PLEKHA5: variants seen among roughly 807,000 people sequenced by gnomAD.
The protein encoded by PLEKHA5 is pleckstrin homology domain-containing family A member 5.
In PLEKHA5, 55 loss-of-function variants were observed where a neutral mutation model predicts 181.9. That is an observed-to-expected ratio of 0.30 (90% CI 0.24 to 0.38). The LOEUF (loss-of-function observed/expected upper bound fraction) is 0.38, where lower values mean the gene tolerates loss of function less well. PLEKHA5 is among the 10% of genes least tolerant of loss of function. PLEKHA5 has a pLI of 1.00. For missense variants in PLEKHA5, 1,432 were observed against 1,549.5 expected (o/e 0.92, Z 1.27); for synonymous variants, 535 against 529.4 (o/e 1.01, Z -0.15).
intron 15 of PLEKHA5, among the ~76,000 whole-genome samples, chr12:19,302,535 A>G (rs557713975): frequency 1.0e-3 from 159 of 152,214 alleles, no homozygotes; most frequent in African/African-American, 3.6e-3. Context: ...AGCTAGGATT[A>G]CAGGCGCCCA....
intron 3 of PLEKHA5, among the ~76,000 whole-genome samples, chr12:19,249,907 A>G (rs572256230): frequency 2.0e-5 from 3 of 152,208 alleles, no homozygotes; most frequent in African/African-American, 7.2e-5. Flanking sequence ...CGAGTCAGTT[A>G]TTTTAAGGGT....
intron 15 of PLEKHA5, chr12:19,306,774 A>G: frequency 1.1e-6 from 1 of 920,440 alleles, no homozygotes; most frequent in South Asian, 1.3e-5. Context: ...CAATCTCGTT[A>G]AATTCCATGA....
chr12:19,244,799 T>C (rs2063353928), intron 3 of PLEKHA5, among the ~76,000 whole-genome samples: 1 of 152,176 alleles, frequency 6.6e-6, no homozygotes, highest in South Asian at 2.1e-4. Context: ...AAACACTGCA[T>C]AATAAAGGTT....
At chr12:19,337,548 C>CA (rs1157232818) in intron 21 of PLEKHA5, among the ~76,000 whole-genome samples, 1,659 of 60,818 alleles carry the variant, frequency 0.027, 21 homozygotes, top group Middle Eastern at 0.07. Context: ...GACTCTATCT[C>CA]AAAAAAAAAA....
intron 3 of PLEKHA5, among the ~76,000 whole-genome samples, chr12:19,208,002 G>C (rs1050003584): frequency 6.6e-6 from 1 of 152,082 alleles, no homozygotes; most frequent in African/African-American, 2.4e-5. Flanking sequence ...TAGTAACCAA[G>C]TAAAGACTTT....
chr12:19,260,514 A>G (rs1239571637), intron 6 of PLEKHA5, among the ~76,000 whole-genome samples: 2 of 152,162 alleles, frequency 1.3e-5, no homozygotes, highest in Non-Finnish European at 2.9e-5. Flanking sequence ...GGCCTTTTAG[A>G]TAGGTTATAT....
At chr12:19,375,134 GC>G (rs1393683827) in intron 31 of PLEKHA5, among the ~76,000 whole-genome samples, 1 of 151,896 alleles carries the variant, frequency 6.6e-6, no homozygotes, top group Admixed American at 6.6e-5. Flanking sequence ...GACCAGCCTG[GC>G]CAACATGGTG....
chr12:19,224,694 T>C (rs1404136282), intron 3 of PLEKHA5, among the ~76,000 whole-genome samples: 1 of 152,194 alleles, frequency 6.6e-6, no homozygotes, highest in African/African-American at 2.4e-5. Context: ...GCTTAAAGCA[T>C]TTTCAATGAC....
chr12:19,296,125 T>C (rs999656040), intron 15 of PLEKHA5, among the ~76,000 whole-genome samples: 9 of 151,642 alleles, frequency 5.9e-5, no homozygotes, highest in African/African-American at 2.2e-4. Flanking sequence ...TCTCAGCTAC[T>C]TGGGAGGCTG....
intron 15 of PLEKHA5, chr12:19,307,081 T>TTG: frequency 8.1e-7 from 1 of 1,232,726 alleles, no homozygotes; most frequent in Non-Finnish European, 1.2e-6. Context: ...TTGCCACAGA[T>TTG]AGTTGCTGAA....
At chr12:19,144,643 A>C (rs963763008) in intron 3 of PLEKHA5, among the ~76,000 whole-genome samples, 1 of 152,146 alleles carries the variant, frequency 6.6e-6, no homozygotes, top group Non-Finnish European at 1.5e-5. Flanking sequence ...CAGCATTGCA[A>C]CTCTGTTTAG....
At chr12:19,145,476 G>A (rs1038700816) in intron 3 of PLEKHA5, among the ~76,000 whole-genome samples, 3 of 151,976 alleles carry the variant, frequency 2.0e-5, no homozygotes, top group African/African-American at 7.3e-5. Flanking sequence ...TTCTTTGCAT[G>A]TACATACTTA....
intron 15 of PLEKHA5, chr12:19,307,023 T>G: frequency 6.7e-7 from 1 of 1,487,534 alleles, no homozygotes; most frequent in Non-Finnish European, 9.3e-7. Flanking sequence ...CTCTTGTTCC[T>G]GCCCTTGCTG....
chr12:19,263,168 C>G (rs1757782488), intron 7 of PLEKHA5, among the ~76,000 whole-genome samples: 1 of 147,614 alleles, frequency 6.8e-6, no homozygotes, highest in African/African-American at 2.5e-5. Context: ...TCATAATAGC[C>G]TATATATTTT....
At chr12:19,210,165 G>A (rs981767583) in intron 3 of PLEKHA5, among the ~76,000 whole-genome samples, 6 of 152,160 alleles carry the variant, frequency 3.9e-5, no homozygotes, top group Non-Finnish European at 8.8e-5. Flanking sequence ...TCTCATTTAC[G>A]AAAGTGTTTT....
intron 3 of PLEKHA5, among the ~76,000 whole-genome samples, chr12:19,228,332 C>A (rs371584527): frequency 6.6e-6 from 1 of 152,184 alleles, no homozygotes; most frequent in African/African-American, 2.4e-5. Flanking sequence ...CTAACCATTT[C>A]ATTTTTACCC....
At chr12:19,134,511 A>G (rs2035022298) in intron 3 of PLEKHA5, among the ~76,000 whole-genome samples, 1 of 152,108 alleles carries the variant, frequency 6.6e-6, no homozygotes, top group Admixed American at 6.5e-5. Context: ...TAAATATATG[A>G]TGTACTGAAT....
chr12:19,306,389 C>A (rs974781161), intron 15 of PLEKHA5: 9 of 524,886 alleles, frequency 1.7e-5, no homozygotes, highest in Non-Finnish European at 3.3e-5. Flanking sequence ...CCCTCCCCCG[C>A]GGCGTGCAGT....
At chr12:19,211,781 A>G (rs544140605) in intron 3 of PLEKHA5, among the ~76,000 whole-genome samples, 34 of 152,246 alleles carry the variant, frequency 2.2e-4, no homozygotes, top group African/African-American at 7.2e-4. Context: ...GGTTTTATTG[A>G]CAGAAAAGGG....
Sources: gnomAD v4.1 joint callset for allele counts (sites outside exome capture counted in the v4.1 genomes callset) on GRCh38, gnomAD v4.1.1 for gene constraint, MANE v1.5 for transcripts, NCBI Gene and HGNC (gene_info 2026-07-23, HGNC 2026-07-21) for gene names.